The following FAM200B variants were observed in gnomAD, a reference collection of about 807,000 sequenced individuals.
FAM200B encodes protein FAM200B.
Under a neutral mutation model 33.1 loss-of-function variants are expected in FAM200B, and 32 were observed. The ratio of observed to expected loss-of-function variants is 0.97; its 90% CI spans 0.73 to 1.30. The LOEUF (loss-of-function observed/expected upper bound fraction) is 1.30, where lower values mean the gene tolerates loss of function less well. Among genes scored for constraint, FAM200B ranks in the 50% most tolerant of loss-of-function variants. The pLI is 0.00. For missense variants in FAM200B, 741 were observed against 754.0 expected, an observed-to-expected ratio of 0.98 and a Z score of 0.20; for synonymous variants, 240 against 264.8, an observed-to-expected ratio of 0.91 and a Z score of 0.91.
At chr4:15,654,442 C>T in the FAM200B span, among the ~76,000 whole-genome samples, 1 of 152,190 alleles carries the variant, frequency 6.6e-6, no homozygotes. Context: ...CAAAATGGTT[C>T]TCACAGTTAA....
chr4:15,683,065 C>G (rs991700296), intron 1 of FAM200B, among the ~76,000 whole-genome samples: 1 of 152,162 alleles, frequency 6.6e-6, no homozygotes, highest in African/African-American at 2.4e-5. Flanking sequence ...AGAGATATAT[C>G]TTAGGATATA....
chr4:15,652,933 C>T, the FAM200B span, among the ~76,000 whole-genome samples: 1 of 152,156 alleles, frequency 6.6e-6, no homozygotes, highest in Non-Finnish European at 1.5e-5. Context: ...GATGGCAAAA[C>T]GTGAGATGAT....
the FAM200B span, chr4:15,655,358 A>G: frequency 1.7e-6 from 2 of 1,187,892 alleles, no homozygotes; most frequent in Non-Finnish European, 1.1e-6. Context: ...GCCGCGGGGC[A>G]GAGGCGGCGC....
rs1719272316 is a variant in FAM200B, at chr4:15,690,287, T to C, written c.*1336T>C. The C allele has an allele frequency of 1.2e-5, 2 of 167,094 alleles. No individual in the cohort carries two copies. Among genetic ancestry groups the C allele is most frequent in the South Asian group, 4.1e-4 (2 of 4,834 alleles). The allele number at this position is 167,094 out of a possible 1,614,324, so 10.4% of individuals were successfully genotyped here. ...TACTCCCTTATCCCACTGGGTGATA[T>C]TATTTGGCATGGTCATTGTCATTAA... On this transcript the variant is annotated 3_prime_UTR_variant, in exon 2 of 2. Coordinates refer to ENST00000422728, the MANE Select transcript of FAM200B (RefSeq NM_001145191.2).
chr4:15,655,186 G>A, the FAM200B span: 1 of 1,378,390 alleles, frequency 7.3e-7, no homozygotes. Context: ...CACAGCGGGA[G>A]GCTCAGCGCT....
the FAM200B span, chr4:15,644,794 T>G: frequency 2.2e-6 from 2 of 890,082 alleles, no homozygotes; most frequent in Non-Finnish European, 3.4e-6. Context: ...CCTATTCACT[T>G]TTGCACACAG....
At chr4:15,660,527 G>A in the FAM200B span, among the ~76,000 whole-genome samples, 3 of 152,138 alleles carry the variant, frequency 2.0e-5, no homozygotes, top group African/African-American at 7.2e-5. Flanking sequence ...CCAATAGCCT[G>A]GCTAATACAC....
chr4:15,666,590 G>A, the FAM200B span, among the ~76,000 whole-genome samples: 1 of 152,092 alleles, frequency 6.6e-6, no homozygotes, highest in Non-Finnish European at 1.5e-5. Context: ...GGACAGCAGG[G>A]TGATTACAGT....
In FAM200B at chr4:15,688,656, A is replaced by G; in HGVS notation, c.1679A>G (p.Asn560Ser). Residue 560 changes from asparagine to serine, a missense_variant, in exon 2 of 2, where the codon AAT (asparagine) becomes AGT (serine). Physicochemically the swap from Asn to Ser is conservative, Grantham distance 46. Transcript: ENST00000422728. ...CTAAACTTGGTGCCTGAAGAAGAGA[A>G]TGAATTATTGCAGCTTAGTTCTTCA... ...IELNLVPEEE[N>S]ELLQLSSSYT... is the part of the protein sequence containing the mutation. The G allele has an allele frequency of 3.9e-6, 6 of 1,551,468 alleles. No individual in the cohort carries two copies. Among genetic ancestry groups the G allele is most frequent in the Non-Finnish European group, 5.2e-6 (6 of 1,146,812 alleles).
the FAM200B span, among the ~76,000 whole-genome samples, chr4:15,667,828 G>A: frequency 1.1e-4 from 16 of 152,074 alleles, no homozygotes; most frequent in Non-Finnish European, 1.9e-4. Context: ...GATCACCTGA[G>A]GTCAGGAGTT....
the FAM200B span, among the ~76,000 whole-genome samples, chr4:15,659,511 T>G: frequency 6.6e-6 from 1 of 152,194 alleles, no homozygotes; most frequent in Non-Finnish European, 1.5e-5. Context: ...CAGGAGAATG[T>G]GAGCTGCACC....
the FAM200B span, among the ~76,000 whole-genome samples, chr4:15,652,863 A>G: frequency 1.3e-5 from 2 of 150,700 alleles, no homozygotes; most frequent in African/African-American, 4.9e-5. Flanking sequence ...ACTAGTTCTC[A>G]TTTTATATAG....
At chr4:15,663,030 T>C in the FAM200B span, among the ~76,000 whole-genome samples, 1 of 152,192 alleles carries the variant, frequency 6.6e-6, no homozygotes, top group Non-Finnish European at 1.5e-5. Context: ...CAAATGTAAC[T>C]TTCTAATTTG....
chr4:15,655,239 G>A, the FAM200B span: 2 of 1,440,284 alleles, frequency 1.4e-6, no homozygotes, highest in South Asian at 1.3e-5. Flanking sequence ...TGCTTCATCC[G>A]CCAGTGTGGG....
At chr4:15,685,489 A>C (rs181187260) in intron 1 of FAM200B, among the ~76,000 whole-genome samples, 186 of 152,164 alleles carry the variant, frequency 1.2e-3, no homozygotes, top group African/African-American at 4.3e-3. Flanking sequence ...GCTGGTCTGG[A>C]GTGATTAGGA....
At chr4:15,641,049 A>T in the FAM200B span, among the ~76,000 whole-genome samples, 28 of 152,306 alleles carry the variant, frequency 1.8e-4, no homozygotes, top group African/African-American at 6.3e-4. Flanking sequence ...TAAAACAGTA[A>T]GCTTTGAATT....
At chr4:15,655,351 G>A in the FAM200B span, 21 of 1,245,262 alleles carry the variant, frequency 1.7e-5, no homozygotes, top group Non-Finnish European at 2.0e-5. Flanking sequence ...CACCCTCGCC[G>A]CGGGGCAGAG....
At chr4:15,653,711 T>C in the FAM200B span, among the ~76,000 whole-genome samples, 1 of 152,086 alleles carries the variant, frequency 6.6e-6, no homozygotes, top group African/African-American at 2.4e-5. Flanking sequence ...CCAGAGAGGA[T>C]AAAAACACTA....
chr4:15,670,914 CTTTTTTTTT>C, the FAM200B span, among the ~76,000 whole-genome samples: 5 of 54,144 alleles, frequency 9.2e-5, no homozygotes, highest in African/African-American at 4.1e-4. Flanking sequence ...TGTGCGTAGA[CTTTTTTTTT>C]TTTTTTTTTT....
Sources: gnomAD v4.1 joint callset for allele counts (sites outside exome capture counted in the v4.1 genomes callset) on GRCh38, gnomAD v4.1.1 for gene constraint, MANE v1.5 for transcripts, NCBI Gene and HGNC (gene_info 2026-07-23, HGNC 2026-07-21) for gene names.